AHI1: variants seen among roughly 807,000 people sequenced by gnomAD.
The protein encoded by AHI1 is Abelson helper integration site 1.
AHI1 carries 123 observed loss-of-function variants against 149.3 expected under a neutral mutation model. The observed-to-expected ratio is 0.82, with a 90% CI of 0.71 to 0.96. The LOEUF (loss-of-function observed/expected upper bound fraction) is 0.96, where lower values mean the gene tolerates loss of function less well. Ranked by LOEUF, AHI1 falls within the 40% of genes least tolerant of loss-of-function variation. AHI1 has a pLI of 0.00. For synonymous variants in AHI1, 475 were observed against 459.8 expected (o/e 1.03, Z -0.42); for missense variants, 1,439 against 1,422.7 (o/e 1.01, Z -0.18).
chr6:135,469,099 C>G (rs1324835767), intron 5 of AHI1, among the ~76,000 whole-genome samples: 1 of 152,242 alleles, frequency 6.6e-6, no homozygotes, highest in Admixed American at 6.5e-5. Context: ...AACACTGATG[C>G]AAATATCCTC....
chr6:135,331,760 A>G (rs1309819355), intron 24 of AHI1, among the ~76,000 whole-genome samples: 4 of 152,190 alleles, frequency 2.6e-5, no homozygotes, highest in Non-Finnish European at 5.9e-5. Context: ...CCCTACTTCA[A>G]TTGGGCCCAT....
chr6:135,312,830 T>C (rs1349502389), intron 26 of AHI1, among the ~76,000 whole-genome samples: 1 of 152,240 alleles, frequency 6.6e-6, no homozygotes, highest in Non-Finnish European at 1.5e-5. Flanking sequence ...TCTAAGGTCC[T>C]TTCCATGTCA....
At chr6:135,361,518 T>C (rs575935154) in intron 23 of AHI1, among the ~76,000 whole-genome samples, 2 of 152,218 alleles carry the variant, frequency 1.3e-5, no homozygotes, top group South Asian at 4.1e-4. Context: ...AATGATTTCA[T>C]TCCATTATTT....
chr6:135,291,260 A>T (rs1782319477), intron 27 of AHI1, among the ~76,000 whole-genome samples: 1 of 152,220 alleles, frequency 6.6e-6, no homozygotes, highest in Non-Finnish European at 1.5e-5. Context: ...TCAGGTATTA[A>T]ATAGGACTGA....
chr6:135,340,669 A>ATATATATATATATATATATATG (rs1790206029), intron 24 of AHI1, among the ~76,000 whole-genome samples: 1 of 119,212 alleles, frequency 8.4e-6, no homozygotes, highest in South Asian at 2.5e-4. Flanking sequence ...ATATATATAT[A>ATATATATATATATATATATATG]TATATATATA....
intron 23 of AHI1, among the ~76,000 whole-genome samples, chr6:135,362,884 T>C (rs1249787103): frequency 6.6e-6 from 1 of 152,032 alleles, no homozygotes; most frequent in Non-Finnish European, 1.5e-5. Context: ...CTATTTATCT[T>C]TGTTTTTGTT....
At chr6:135,380,731 A>ACCCC (rs752362853) in intron 23 of AHI1, among the ~76,000 whole-genome samples, 3 of 56,050 alleles carry the variant, frequency 5.4e-5, no homozygotes, top group Admixed American at 2.0e-4. Context: ...AAGTAAAATA[A>ACCCC]CCCCCCCCCC....
intron 24 of AHI1, among the ~76,000 whole-genome samples, chr6:135,343,196 C>T (rs1345262895): frequency 6.6e-6 from 1 of 151,914 alleles, no homozygotes; most frequent in Non-Finnish European, 1.5e-5. Flanking sequence ...GAACATAACA[C>T]CAATTCCATT....
intron 10 of AHI1, among the ~76,000 whole-genome samples, chr6:135,454,527 C>T (rs960452134): frequency 1.3e-5 from 2 of 152,086 alleles, no homozygotes; most frequent in African/African-American, 2.4e-5. Context: ...CACATCTTCA[C>T]GGACTTGTCA....
rs1280484371 is a variant in AHI1, at chr6:135,363,524, C to T, written c.3110-5337G>A. Among the ~76,000 whole-genome samples the T allele has an allele frequency of 1.4e-4, 22 of 152,308 alleles. No individual in the cohort carries two copies. In the South Asian group the frequency reaches 4.4e-3, roughly 30 times the overall value. On this transcript the variant is annotated intron_variant, in intron 23 of 28. Transcript: ENST00000265602. ...TTCCCCCCTTTCTATTCTACAAAACCGCCATTGTCATCATGGCCTGTTCTC... is the reference window on the plus strand; with the variant it reads ...TTCCCCCCTTTCTATTCTACAAAACTGCCATTGTCATCATGGCCTGTTCTC...
At position 135,490,662 on chromosome 6, in the gene AHI1, T is replaced by G; in HGVS notation, c.96A>C (p.Lys32Asn). The G allele has an allele frequency of 6.2e-7, 1 of 1,613,662 alleles. No homozygotes were observed. Among genetic ancestry groups the G allele is most frequent in the Non-Finnish European group, 8.5e-7 (1 of 1,179,702 alleles). The change falls in exon 5 of 29, where the codon AAA becomes AAC. Residue 32 changes from lysine (K) to asparagine (N), a missense_variant. Transcript: ENST00000265602. ...CAGACCTGACAAGTTTTTTCTTCAG[T>G]TTTTTCTTTTCACGCATTAGATCAC... ...THSDLMREKK[K>N]LKKKLVRSEE... is the part of the protein sequence containing the mutation.
chr6:135,307,879 G>A (rs1181527310), intron 26 of AHI1, among the ~76,000 whole-genome samples: 1 of 152,130 alleles, frequency 6.6e-6, no homozygotes, highest in Non-Finnish European at 1.5e-5. Context: ...GGGAAGAGGT[G>A]CATCTAGTGG....
intron 22 of AHI1, among the ~76,000 whole-genome samples, 153 bp downstream of exon 22, chr6:135,404,798 T>C (rs1033586955): frequency 6.6e-6 from 1 of 152,214 alleles, no homozygotes; most frequent in South Asian, 2.1e-4. Flanking sequence ...GCTTCCAGTA[T>C]TGTAATTCTG....
At chr6:135,457,189 C>A (rs1789101654) in intron 9 of AHI1, among the ~76,000 whole-genome samples, 1 of 152,144 alleles carries the variant, frequency 6.6e-6, no homozygotes, top group Non-Finnish European at 1.5e-5. Context: ...GAGGCTGAGG[C>A]AGTAGAATCG....
At chr6:135,407,226 T>G (rs1780919663) in intron 21 of AHI1, among the ~76,000 whole-genome samples, 1 of 152,108 alleles carries the variant, frequency 6.6e-6, no homozygotes, top group South Asian at 2.1e-4. Flanking sequence ...AATTACACCC[T>G]AAACCTGTAC....
intron 23 of AHI1, among the ~76,000 whole-genome samples, chr6:135,366,136 C>A (rs547474641): frequency 1.8e-4 from 28 of 152,162 alleles, no homozygotes; most frequent in Non-Finnish European, 3.1e-4. Context: ...ACCATCCCTG[C>A]TTGATCATGG....
intron 24 of AHI1, among the ~76,000 whole-genome samples, chr6:135,355,902 AAAACAAACAAAC>A (rs144981184): frequency 6.6e-6 from 1 of 151,308 alleles, no homozygotes; most frequent in African/African-American, 2.5e-5. Context: ...CTGTCTCAAA[AAAACAAACAAAC>A]AAACAAACAA....
chr6:135,366,125 A>C (rs890980537), intron 23 of AHI1, among the ~76,000 whole-genome samples: 3 of 152,094 alleles, frequency 2.0e-5, no homozygotes, highest in Non-Finnish European at 4.4e-5. Flanking sequence ...GCATATGTTA[A>C]ACCATCCCTG....
At position 135,492,283 on chromosome 6, in the gene AHI1, A is replaced by G. The variant is rs750147103; in HGVS notation, c.-46T>C. On this transcript the variant is annotated 5_prime_UTR_variant, in exon 4 of 29. Transcript: ENST00000265602. ...ACTGAGAATGCAAAGCATTGACTCA[A>G]TCAGGATCCTATCGAAACAAAGGAG... is the stretch of plus-strand genomic sequence containing the variant. The G allele has an allele frequency of 2.6e-6, 4 of 1,526,808 alleles. No individual in the cohort carries two copies. Among genetic ancestry groups the G allele is most frequent in the South Asian group, 1.3e-5 (1 of 77,210 alleles). 94.6% of individuals were successfully genotyped at this position (1,526,808 alleles called of 1,614,324 possible).
Sources: gnomAD v4.1 joint callset for allele counts (sites outside exome capture counted in the v4.1 genomes callset) on GRCh38, gnomAD v4.1.1 for gene constraint, MANE v1.5 for transcripts, NCBI Gene and HGNC (gene_info 2026-07-23, HGNC 2026-07-21) for gene names.